Variants in WWP1 observed in about 807,000 individuals in gnomAD.
WWP1 encodes the protein WW domain containing E3 ubiquitin protein ligase 1.
In WWP1, 49 loss-of-function variants were observed where a neutral mutation model predicts 130.6. The observed-to-expected ratio is 0.38, with a 90% CI of 0.30 to 0.48. The LOEUF is 0.48. Among genes scored for constraint, WWP1 ranks in the 20% least tolerant of loss-of-function variants. The pLI is 0.99. For missense variants in WWP1, 809 were observed against 1,100.6 expected (o/e 0.74, Z 3.75); for synonymous variants, 332 against 367.8 (o/e 0.90, Z 1.11).
At chr8:86,432,606 A>AT (rs1450248732) in intron 14 of WWP1, among the ~76,000 whole-genome samples, 1 of 149,444 alleles carries the variant, frequency 6.7e-6, no homozygotes, top group Non-Finnish European at 1.5e-5. Flanking sequence ...ATCGCAGTTC[A>AT]TTTTTTTGTT....
chr8:86,466,094 C>T (rs1812096995), intron 24 of WWP1, among the ~76,000 whole-genome samples: 1 of 152,322 alleles, frequency 6.6e-6, no homozygotes, highest in South Asian at 2.1e-4. Flanking sequence ...AAACCCTGAA[C>T]ACCCGAATCC....
In WWP1 at chr8:86,402,127, T is replaced by G; in HGVS notation, c.648T>G (p.Ser216=). 6.2e-7 allele frequency: 1 copy of G among 1,614,130 alleles called. No homozygotes were observed. The highest frequency in any genetic ancestry group is 8.5e-7 in the Non-Finnish European group (1 of 1,180,024). ...YVVNGDNTPS[S]PSQVAARPKN... ...TTAATGGAGACAACACACCTTCATC[T>G]CCGTCTCAGGTTGCTGCCAGACCCA... The change falls in exon 8 of 25, where the codon TCT becomes TCG. Residue 216 remains serine, a synonymous_variant. Coordinates refer to ENST00000517970, the MANE Select transcript of WWP1 (RefSeq NM_007013.4).
intron 5 of WWP1, among the ~76,000 whole-genome samples, chr8:86,383,703 T>C (rs1016868268): frequency 1.3e-5 from 2 of 152,300 alleles, no homozygotes; most frequent in African/African-American, 4.8e-5. Flanking sequence ...ATTGCGCCAC[T>C]GCACTCCAAG....
chr8:86,399,445 A>G lies in WWP1; in HGVS notation c.539+807A>G, dbSNP rs536628722. On this transcript the variant is annotated intron_variant, in intron 7 of 24. Transcript: ENST00000517970. ...GCAAATAAAGTAGAATTAACACCTG[A>G]AAATATAAAAATATATTGTGGTAAA... Among the ~76,000 whole-genome samples, 3 of 152,364 alleles carry G rather than the reference A, an allele frequency of 2.0e-5. No individual in the cohort carries two copies. In the East Asian group the frequency reaches 5.8e-4, roughly 29 times the overall value.
chr8:86,363,567 C>T (rs984927902), intron 1 of WWP1, among the ~76,000 whole-genome samples: 5 of 151,774 alleles, frequency 3.3e-5, no homozygotes, highest in African/African-American at 9.7e-5. Flanking sequence ...TTTGGGAGGC[C>T]GAGGTGGGCC....
Position 86,430,716 on chromosome 8 carries a change from A to G in WWP1, c.1352A>G (p.Glu451Gly). 1 of 1,583,068 alleles carries G rather than the reference A, an allele frequency of 6.3e-7. No individual in the cohort carries two copies. ...YLYSASMLAA[E>G]NDPYGPLPPG... is the part of the protein sequence containing the mutation. ...AATCAGGCTTCAATGTTAGCTGCAG[A>G]AAATGACCCTTATGGACCTTTGCCA... Residue 451 changes from glutamate (E) to glycine (G), a missense_variant, in exon 12 of 25, where the codon GAA (glutamate) becomes GGA (glycine). Transcript: ENST00000517970.
intron 5 of WWP1, among the ~76,000 whole-genome samples, chr8:86,384,465 G>A (rs189971028): frequency 1.2e-3 from 184 of 152,008 alleles, no homozygotes; most frequent in Non-Finnish European, 1.5e-3. Flanking sequence ...CGTAATTTCC[G>A]GGTTGTGATT....
intron 18 of WWP1, 66 bp downstream of exon 18, chr8:86,442,844 A>T (rs999100321): frequency 7.8e-6 from 10 of 1,276,160 alleles, no homozygotes; most frequent in South Asian, 1.6e-5. Context: ...AGGCTTTTAA[A>T]AAAAAAAAAA....
intron 5 of WWP1, among the ~76,000 whole-genome samples, chr8:86,393,261 C>T (rs1286615472): frequency 1.3e-5 from 2 of 151,958 alleles, no homozygotes; most frequent in Non-Finnish European, 2.9e-5. Context: ...GGCTGGAGTG[C>T]ACTGGCACGA....
intron 18 of WWP1, among the ~76,000 whole-genome samples, chr8:86,446,167 A>C (rs1392270550): frequency 1.4e-5 from 2 of 148,122 alleles, no homozygotes; most frequent in Non-Finnish European, 3.0e-5. Context: ...TTTTTAATAG[A>C]GATGGGGTTT....
At chr8:86,398,058 A>G (rs565692124) in intron 5 of WWP1, among the ~76,000 whole-genome samples, 3 of 152,210 alleles carry the variant, frequency 2.0e-5, no homozygotes, top group Non-Finnish European at 4.4e-5. Flanking sequence ...CATCTGTGGT[A>G]CCTTGAGCTG....
In WWP1 at chr8:86,466,921, T is replaced by C. The variant is rs1461610439; in HGVS notation, c.*28T>C. The stretch of plus-strand genomic sequence containing the variant: ...GTGGCTTCTTATTTTGGAGGAGCTC[T>C]TGCATTTAAATACCCCAGCCAAGAA... On this transcript the variant is annotated 3_prime_UTR_variant, in exon 25 of 25. Transcript: ENST00000517970. 6.4e-7 allele frequency: 1 copy of C among 1,558,898 alleles called. No individual in the cohort carries two copies. The highest frequency in any genetic ancestry group is 1.7e-5 in the Admixed American group (1 of 57,592).
At chr8:86,434,275 C>T (rs1413447678) in intron 14 of WWP1, among the ~76,000 whole-genome samples, 1 of 152,190 alleles carries the variant, frequency 6.6e-6, no homozygotes, top group Non-Finnish European at 1.5e-5. Context: ...GCCTAAATGG[C>T]CTTACAGGAT....
chr8:86,451,187 A>C (rs1811152089), intron 20 of WWP1, among the ~76,000 whole-genome samples: 1 of 141,932 alleles, frequency 7.0e-6, no homozygotes, highest in Admixed American at 7.5e-5. Flanking sequence ...GCAGTGAACC[A>C]GGCAACCGAG....
At chr8:86,378,259 A>G (rs1312071777) in intron 3 of WWP1, among the ~76,000 whole-genome samples, 2 of 152,182 alleles carry the variant, frequency 1.3e-5, no homozygotes, top group Non-Finnish European at 2.9e-5. Context: ...TTTTAAAATA[A>G]TGTATTAAAT....
In WWP1 at chr8:86,466,717, A is replaced by G. The variant is rs530007682; in HGVS notation, c.2670-77A>G. The stretch of plus-strand genomic sequence containing the variant: ...ATACATATATCCATTCAGCATTTCT[A>G]TGTGCTTTGAAAAGTATTCTATTAG... On this transcript the variant is annotated intron_variant, in intron 24 of 24. Transcript: ENST00000517970. 743 of 1,005,484 alleles carry G rather than the reference A, an allele frequency of 7.4e-4. 3 individuals are homozygous for G. The African/African-American group carries it at 1.0e-2, about 14-fold the overall frequency. The allele number at this position is 1,005,484 out of a possible 1,614,324, so 62.3% of individuals were successfully genotyped here. A position where few individuals can be genotyped will look rare whatever the true frequency, so the allele number is the denominator to read the frequency against.
At chr8:86,433,065 G>A (rs947898516) in intron 14 of WWP1, among the ~76,000 whole-genome samples, 4 of 152,116 alleles carry the variant, frequency 2.6e-5, no homozygotes, top group African/African-American at 4.8e-5. Context: ...TAATCCAGGC[G>A]TTGGTTTGCA....
rs142763873 is a variant in WWP1 at position 86,387,420 on chromosome 8, T to G, written c.334+5791T>G. ...TCTTGACCATAATCTTGATTTCTAA[T>G]CTTTTAAAATATATTCTTTTATAAT... On this transcript the variant is annotated intron_variant, in intron 5 of 24. Transcript: ENST00000517970. Among the ~76,000 whole-genome samples, 453 of 152,252 alleles carry G rather than the reference T, an allele frequency of 3.0e-3. 2 individuals are homozygous for G. The highest frequency in any genetic ancestry group is 0.01 in the African/African-American group (431 of 41,552).
In WWP1 at chr8:86,431,758, G is replaced by T; in HGVS notation, c.1601+15G>T. 1.2e-6 allele frequency: 2 copies of T among 1,612,884 alleles called. No individual in the cohort carries two copies. The highest frequency in any genetic ancestry group is 1.7e-6 in the Non-Finnish European group (2 of 1,179,576). On this transcript the variant is annotated intron_variant, in intron 14 of 24. Transcript: ENST00000517970. ...AAGTCATCTGTGTGAGTGAAAACCT[G>T]AAGTTCTCCTTTAAATATTGCTTAG...
Sources: gnomAD v4.1 joint callset for allele counts (sites outside exome capture counted in the v4.1 genomes callset) on GRCh38, gnomAD v4.1.1 for gene constraint, MANE v1.5 for transcripts, NCBI Gene and HGNC (gene_info 2026-07-23, HGNC 2026-07-21) for gene names.